Variants in IQCM observed in about 807,000 individuals in gnomAD.
IQCM encodes the protein IQ motif containing M, also known as IQ domain-containing protein M.
In IQCM, 45 loss-of-function variants were observed where a neutral mutation model predicts 57.6. That is an observed-to-expected ratio of 0.78 (90% CI 0.62 to 1.00). IQCM has a LOEUF of 1.00. Ranked by LOEUF, IQCM falls within the 50% of genes least tolerant of loss-of-function variation. The pLI, the probability that IQCM is intolerant of heterozygous loss-of-function variation, is 0.00. For missense variants in IQCM, 468 were observed against 511.6 expected, an observed-to-expected ratio of 0.91 and a Z score of 0.82; for synonymous variants, 148 against 158.9, an observed-to-expected ratio of 0.93 and a Z score of 0.51.
At chr4:149,678,484 G>T (rs1055201901) in intron 7 of IQCM, among the ~76,000 whole-genome samples, 3 of 151,744 alleles carry the variant, frequency 2.0e-5, no homozygotes, top group Non-Finnish European at 4.4e-5. Flanking sequence ...ACAAGCAAAA[G>T]TGGAGGTAAT....
intron 12 of IQCM, among the ~76,000 whole-genome samples, chr4:149,533,847 C>G (rs1204414732): frequency 6.6e-6 from 1 of 151,908 alleles, no homozygotes; most frequent in African/African-American, 2.4e-5. Flanking sequence ...GGGACACAGC[C>G]AAACCACAAC....
rs755630796 is a variant in IQCM at position 149,563,805 on chromosome 4, G to A, written c.835C>T (p.Arg279Ter). The change falls in exon 10 of 14, where the codon CGA becomes TGA. Residue 279 changes from arginine to a stop codon, truncating the protein, a stop_gained. Transcript: ENST00000636793. LOFTEE classifies it high-confidence loss of function. ...GPHIEIFQVF[R>*]ERKKFMITPK... Reference sequence around the variant, plus strand: ...GTAATCATGAATTTTTTTCTTTCTCGGAACACTTGGAAGATTTCTATGTGT... The same window carrying A: ...GTAATCATGAATTTTTTTCTTTCTCAGAACACTTGGAAGATTTCTATGTGT... 50 of 1,231,314 alleles carry A rather than the reference G, an allele frequency of 4.1e-5. No individual in the cohort carries two copies. Among genetic ancestry groups the A allele is most frequent in the Middle Eastern group, 3.1e-4 (1 of 3,230 alleles). The allele number at this position is 1,231,314 out of a possible 1,614,324, so 76.3% of individuals were successfully genotyped here.
chr4:149,465,292 A>C (rs1286445419), intron 12 of IQCM, among the ~76,000 whole-genome samples: 4 of 152,162 alleles, frequency 2.6e-5, no homozygotes, highest in Non-Finnish European at 5.9e-5. Flanking sequence ...AATTTATATA[A>C]ATAATACAGA....
chr4:149,434,671 T>C (rs953049506), intron 12 of IQCM, among the ~76,000 whole-genome samples: 5 of 152,050 alleles, frequency 3.3e-5, no homozygotes, highest in African/African-American at 1.2e-4. Flanking sequence ...AATCCATCCT[T>C]TACTGTCCTG....
intron 13 of IQCM, among the ~76,000 whole-genome samples, chr4:149,373,426 G>A (rs1018343684): frequency 1.3e-5 from 2 of 151,974 alleles, no homozygotes; most frequent in Non-Finnish European, 2.9e-5. Context: ...ATTTAACCTT[G>A]ACACTAACCC....
intron 13 of IQCM, among the ~76,000 whole-genome samples, chr4:149,405,103 T>C (rs1276112237): frequency 6.6e-6 from 1 of 151,868 alleles, no homozygotes; most frequent in Non-Finnish European, 1.5e-5. Flanking sequence ...TAAATTTTCA[T>C]GTCCAGAAGA....
intron 2 of IQCM, among the ~76,000 whole-genome samples, chr4:149,768,141 T>C (rs1230184858): frequency 6.6e-6 from 1 of 152,142 alleles, no homozygotes; most frequent in East Asian, 1.9e-4. Context: ...TGTTCACAAG[T>C]CTTGCATTTG....
intron 7 of IQCM, among the ~76,000 whole-genome samples, chr4:149,665,129 C>G (rs78706048): frequency 0.036 from 5,413 of 152,182 alleles, 123 homozygotes; most frequent in Non-Finnish European, 0.056. Flanking sequence ...GCTACTGGCC[C>G]CTGGGGTAGG....
chr4:149,666,515 C>T (rs988814184), intron 7 of IQCM, among the ~76,000 whole-genome samples: 2 of 152,110 alleles, frequency 1.3e-5, no homozygotes, highest in Non-Finnish European at 2.9e-5. Flanking sequence ...TGGGCAGACA[C>T]CGAGCTAGCT....
At chr4:149,381,867 C>T (rs865864907) in intron 13 of IQCM, among the ~76,000 whole-genome samples, 2 of 152,020 alleles carry the variant, frequency 1.3e-5, no homozygotes, top group Non-Finnish European at 2.9e-5. Context: ...CTCCACATCC[C>T]GGGTTTGAGT....
chr4:149,511,887 T>A, intron 12 of IQCM, among the ~76,000 whole-genome samples: 1 of 152,232 alleles, frequency 6.6e-6, no homozygotes. Context: ...AACCTGTGTT[T>A]ATTGCTCTTA....
intron 5 of IQCM, among the ~76,000 whole-genome samples, chr4:149,707,243 T>G (rs57105386): frequency 0.16 from 24,501 of 152,078 alleles, 2,331 homozygotes; most frequent in South Asian, 0.34. Flanking sequence ...GCCATGTCAT[T>G]TATTTGTGAT....
intron 13 of IQCM, among the ~76,000 whole-genome samples, chr4:149,431,489 T>C (rs1170940264): frequency 6.6e-6 from 1 of 152,066 alleles, no homozygotes; most frequent in Non-Finnish European, 1.5e-5. Context: ...TGTGTTTATT[T>C]TAAAACATTT....
At chr4:149,655,689 G>A (rs1222530610) in intron 7 of IQCM, among the ~76,000 whole-genome samples, 1 of 151,986 alleles carries the variant, frequency 6.6e-6, no homozygotes, top group Non-Finnish European at 1.5e-5. Flanking sequence ...AAGAATGATT[G>A]AAAATGCAAT....
intron 2 of IQCM, among the ~76,000 whole-genome samples, chr4:149,749,063 A>G (rs970111472): frequency 3.9e-5 from 6 of 152,210 alleles, no homozygotes; most frequent in Non-Finnish European, 7.3e-5. Context: ...CTTTAAAAAT[A>G]CCAAATGTTG....
intron 13 of IQCM, among the ~76,000 whole-genome samples, chr4:149,428,652 A>G (rs920215035): frequency 2.6e-5 from 4 of 151,896 alleles, no homozygotes; most frequent in Non-Finnish European, 5.9e-5. Flanking sequence ...AAGGATGATT[A>G]TCTAAATTGC....
At chr4:149,518,903 A>G (rs1340069092) in intron 12 of IQCM, among the ~76,000 whole-genome samples, 1 of 152,228 alleles carries the variant, frequency 6.6e-6, no homozygotes. Context: ...AAGAGTTCCT[A>G]CACTTAGGGA....
At chr4:149,406,596 C>A (rs1732996148) in intron 13 of IQCM, among the ~76,000 whole-genome samples, 1 of 151,958 alleles carries the variant, frequency 6.6e-6, no homozygotes, top group African/African-American at 2.4e-5. Context: ...ATTCTCAGAG[C>A]AAAGTGAAAA....
At chr4:149,449,338 A>G (rs1579093381) in intron 12 of IQCM, among the ~76,000 whole-genome samples, 1 of 146,118 alleles carries the variant, frequency 6.8e-6, no homozygotes, top group African/African-American at 2.5e-5. Context: ...ATATAAATAA[A>G]TTATATTATA....
Sources: allele counts gnomAD v4.1 joint callset (sites outside exome capture counted in the v4.1 genomes callset), GRCh38; gene constraint gnomAD v4.1.1; transcripts MANE v1.5; gene names NCBI Gene and HGNC (gene_info 2026-07-23, HGNC 2026-07-21).